The following TSBP1 variants were observed in gnomAD, a reference collection of about 807,000 sequenced individuals.
TSBP1 encodes testis-expressed basic protein 1.
In TSBP1, 56 loss-of-function variants were observed where a neutral mutation model predicts 68.8. The observed-to-expected ratio is 0.81, with a 90% CI of 0.66 to 1.02. The LOEUF is 1.02. Among genes scored for constraint, TSBP1 ranks in the 50% least tolerant of loss-of-function variants. The pLI is 0.00. For synonymous variants in TSBP1, 171 were observed against 208.7 expected (o/e 0.82, Z 1.56); for missense variants, 502 against 641.2 (o/e 0.78, Z 2.34).
chr6:32,325,926 T>C lies in TSBP1; in HGVS notation c.515-2312A>G. ...GTGGCAGCTGTGGTGGTGGTGGATA[T>C]GGTGGCAGTGAGGATGGCTATAATG... On this transcript the variant is annotated intron_variant, in intron 16 of 22. Coordinates refer to ENST00000612031, the Ensembl canonical transcript of TSBP1. The surrounding 1 kb of genome is among the most constrained non-coding windows in gnomAD (Gnocchi z 4.4). The C allele has an allele frequency of 2.6e-6, 4 of 1,555,348 alleles. No individual in the cohort carries two copies. The highest frequency in any genetic ancestry group is 3.5e-6 in the Non-Finnish European group (4 of 1,141,492).
chr6:32,303,011 C>T (rs1009991686), intron 19 of TSBP1, among the ~76,000 whole-genome samples: 1 of 152,192 alleles, frequency 6.6e-6, no homozygotes, highest in African/African-American at 2.4e-5. Context: ...TCAAAGATGG[C>T]CCTGGAAGAT....
chr6:32,341,909 A>C (rs1283035477), intron 9 of TSBP1, among the ~76,000 whole-genome samples: 4 of 152,170 alleles, frequency 2.6e-5, no homozygotes, highest in Non-Finnish European at 5.9e-5. Flanking sequence ...AGTCAGTATG[A>C]AAACTTTTGT....
intron 15 of TSBP1, 27 bp from the exon 17 acceptor site, chr6:32,330,636 AC>A (rs67853220): frequency 3.7e-6 from 1 of 271,558 alleles, no homozygotes. Flanking sequence ...AACAAATTAA[AC>A]ACACACACAC....
intron 6 of TSBP1, among the ~76,000 whole-genome samples, chr6:32,362,537 A>G (rs1773182631): frequency 6.6e-6 from 1 of 152,228 alleles, no homozygotes; most frequent in East Asian, 1.9e-4. Flanking sequence ...AAACAGATTA[A>G]GACAAATATT....
chr6:32,350,557 T>C (rs905686477), intron 8 of TSBP1, among the ~76,000 whole-genome samples: 5 of 152,202 alleles, frequency 3.3e-5, no homozygotes, highest in Admixed American at 2.0e-4. Context: ...TGATACCTTA[T>C]TGGGGGACTG....
At position 32,315,445 on chromosome 6, in the gene TSBP1, C is replaced by T. The variant is rs1216034546; in HGVS notation, c.580+327G>A. On this transcript the variant is annotated intron_variant, in intron 19 of 22. Coordinates refer to ENST00000612031, the Ensembl canonical transcript of TSBP1. This position sits in a 1 kb window ranked among gnomAD's most constrained non-coding sequence, Gnocchi z 5.4. Reference sequence around the variant, plus strand: ...GGCATGGTGGCTTGCACCTGTATTGCTAGCCACTTGGGAGGCTCAGGCAGG... The same window carrying T: ...GGCATGGTGGCTTGCACCTGTATTGTTAGCCACTTGGGAGGCTCAGGCAGG... Among the ~76,000 whole-genome samples, 1 of 152,164 alleles carries T rather than the reference C, an allele frequency of 6.6e-6. No individual in the cohort carries two copies. The highest frequency in any genetic ancestry group is 1.5e-5 in the Non-Finnish European group (1 of 68,034).
chr6:32,323,051 C>A, intron 18 of TSBP1, 66 bp downstream of exon 19: 1 of 1,220,750 alleles, frequency 8.2e-7, no homozygotes, highest in Non-Finnish European at 1.2e-6. Flanking sequence ...ACTCAAATCA[C>A]TTTGACAGAA....
chr6:32,322,441 A>G (rs1767738016), intron 18 of TSBP1, 45 bp downstream of exon 20: 1 of 1,467,182 alleles, frequency 6.8e-7, no homozygotes, highest in East Asian at 2.3e-5. Flanking sequence ...CAACTAAGAT[A>G]AGAAAAGTCC....
At chr6:32,328,890 T>C (rs1768586572) in intron 16 of TSBP1, among the ~76,000 whole-genome samples, 1 of 152,164 alleles carries the variant, frequency 6.6e-6, no homozygotes, top group Non-Finnish European at 1.5e-5. Flanking sequence ...TCACTAACCT[T>C]TTAATTAATT....
At chr6:32,303,326 C>T (rs569145903) in intron 19 of TSBP1, among the ~76,000 whole-genome samples, 5,821 of 144,144 alleles carry the variant, frequency 0.04, 311 homozygotes, top group African/African-American at 0.13. Context: ...TTTTTTTTTT[C>T]CCAGTGTGTT....
intron 21 of TSBP1, 140 bp from the exon 25 acceptor site, chr6:32,300,076 T>C: frequency 1.5e-6 from 1 of 688,216 alleles, no homozygotes; most frequent in South Asian, 1.7e-5. Context: ...CTCAGGAGTG[T>C]TGCTGGCCAA....
chr6:32,301,552 CA>C (rs9281725), intron 20 of TSBP1, among the ~76,000 whole-genome samples: 42 of 140,974 alleles, frequency 3.0e-4, no homozygotes, highest in Admixed American at 5.0e-4. Flanking sequence ...CCCATCTCTG[CA>C]AAAAAAAAAA....
intron 16 of TSBP1, chr6:32,326,323 G>A (rs1768215134): frequency 3.2e-6 from 2 of 625,724 alleles, no homozygotes; most frequent in Non-Finnish European, 5.8e-6. Context: ...AAATACTCAT[G>A]TGTATGGGCA....
At chr6:32,312,476 A>G (rs1399005605) in intron 19 of TSBP1, among the ~76,000 whole-genome samples, 1 of 152,218 alleles carries the variant, frequency 6.6e-6, no homozygotes, top group Non-Finnish European at 1.5e-5. Context: ...TAGCATAACT[A>G]GAAAATTATG....
At chr6:32,334,326 TTG>T (rs9279584) in intron 14 of TSBP1, among the ~76,000 whole-genome samples, 9,517 of 152,262 alleles carry the variant, frequency 0.063, 452 homozygotes, top group Non-Finnish European at 0.11. Flanking sequence ...CTGTTATTAT[TTG>T]TGTTACTCAT....
At chr6:32,330,509 A>G in intron 16 of TSBP1, 80 bp downstream of exon 17, 1 of 1,338,854 alleles carries the variant, frequency 7.5e-7, no homozygotes, top group Non-Finnish European at 1.1e-6. Flanking sequence ...CATCTAGGGC[A>G]TTTGAGACAG....
At chr6:32,339,223 T>TTC (rs1770039658) in intron 10 of TSBP1, among the ~76,000 whole-genome samples, 1 of 61,488 alleles carries the variant, frequency 1.6e-5, no homozygotes, top group Non-Finnish European at 3.6e-5. Context: ...TGTCAAATCC[T>TTC]TCTAAAGTTA....
At position 32,308,613 on chromosome 6, in the gene TSBP1, AAAATT is replaced by A. The variant is rs1277905594; in HGVS notation, c.581-5989_581-5985del. The stretch of plus-strand genomic sequence containing the variant: ...ACTCCGTCTCAAAAAAAAAAAAAAA[AAAATT>A]TTGCTTTTTATTTGCTTTCTCTTTT... On this transcript the variant is annotated intron_variant, in intron 19 of 22. Transcript: ENST00000612031. 2.5e-3 allele frequency among the ~76,000 whole-genome samples: 240 copies of A among 94,992 alleles called. 1 individual carries two copies. The highest frequency in any genetic ancestry group is 1.2e-3 in the Non-Finnish European group (49 of 41,532). 62.3% of individuals were successfully genotyped at this position (94,992 alleles called of 152,430 possible).
In TSBP1 at chr6:32,343,243, G is replaced by A; in HGVS notation, c.350-3605C>T. The stretch of plus-strand genomic sequence containing the variant: ...AAACAAGAAGATAAACTTACTCATG[G>A]ATCCTTGAGGTAAAGCTAAAGAACA... On this transcript the variant is annotated intron_variant, in intron 9 of 22. Coordinates refer to ENST00000612031, the Ensembl canonical transcript of TSBP1. The surrounding 1 kb of genome is among the most constrained non-coding windows in gnomAD (Gnocchi z 4.3). The A allele has an allele frequency of 7.1e-7, 1 of 1,410,992 alleles. No individual in the cohort carries two copies. The highest frequency in any genetic ancestry group is 9.3e-7 in the Non-Finnish European group (1 of 1,075,656). The allele number at this position is 1,410,992 out of a possible 1,614,324, so 87.4% of individuals were successfully genotyped here.
Sources: allele counts gnomAD v4.1 joint callset (sites outside exome capture counted in the v4.1 genomes callset), GRCh38; gene constraint gnomAD v4.1.1; non-coding constraint Gnocchi (gnomAD v3.1); transcripts MANE v1.5; gene names NCBI Gene and HGNC (gene_info 2026-07-23, HGNC 2026-07-21).